Variants in SSBP4 observed in about 807,000 individuals in gnomAD.
The protein encoded by SSBP4 is single stranded DNA binding protein 4.
SSBP4 carries 33 observed loss-of-function variants against 64.6 expected under a neutral mutation model. That is an observed-to-expected ratio of 0.51 (90% CI 0.39 to 0.68). The LOEUF (loss-of-function observed/expected upper bound fraction) is 0.68, where lower values mean the gene tolerates loss of function less well. SSBP4 is among the 30% of genes least tolerant of loss of function. SSBP4 has a pLI of 0.00. For synonymous variants in SSBP4, 243 were observed against 224.0 expected (o/e 1.08, Z -0.76); for missense variants, 583 against 566.8 (o/e 1.03, Z -0.29).
At chr19:18,416,900 C>T (rs929708289), upstream of SSBP4, among the ~76,000 whole-genome samples, 1 of 152,230 alleles carries the variant, frequency 6.6e-6, no homozygotes, top group African/African-American at 2.4e-5. Flanking sequence ...CTCAGCTCCC[C>T]GACGCCGCGT....
chr19:18,405,400 C>A, the SSBP4 span, among the ~76,000 whole-genome samples: 1 of 151,764 alleles, frequency 6.6e-6, no homozygotes, highest in Admixed American at 6.6e-5. Flanking sequence ...ATGGCTCATG[C>A]CTGTAATCCC....
chr19:18,410,634 A>G, the SSBP4 span, among the ~76,000 whole-genome samples: 1 of 151,950 alleles, frequency 6.6e-6, no homozygotes, highest in Non-Finnish European at 1.5e-5. Flanking sequence ...TACATTTGTA[A>G]GCCGACCTGA....
the SSBP4 span, among the ~76,000 whole-genome samples, chr19:18,404,849 G>A: frequency 3.7e-5 from 5 of 134,396 alleles, no homozygotes; most frequent in African/African-American, 8.8e-5. Context: ...CCAAGACCAC[G>A]CCACTGCACT....
rs749184892 is a variant in SSBP4, at chr19:18,423,616, G to T, written c.60-3735G>T. ...ATTCTGGGTAATTATGGTAACTCGC[G>T]TCATTACGGTGGTAGCTGTGGTACA... On this transcript the variant is annotated intron_variant, in intron 1 of 17. Transcript: ENST00000270061. This position sits in a 1 kb window ranked among gnomAD's most constrained non-coding sequence, Gnocchi z 4.0. 6.6e-6 allele frequency among the ~76,000 whole-genome samples: 1 copy of T among 152,180 alleles called. No homozygotes were observed. Among genetic ancestry groups the T allele is most frequent in the African/African-American group, 2.4e-5 (1 of 41,434 alleles).
At position 18,433,628 on chromosome 19, in the gene SSBP4, C is replaced by T. The variant is rs769352629; in HGVS notation, c.1020+15C>T. The T allele has an allele frequency of 1.4e-5, 19 of 1,328,836 alleles. 1 individual carries two copies. The South Asian group carries it at 2.6e-4, about 18-fold the overall frequency. 82.3% of individuals were successfully genotyped at this position (1,328,836 alleles called of 1,614,324 possible). A position where few individuals can be genotyped will look rare whatever the true frequency, so the allele number is the denominator to read the frequency against. ...GGTTGCCGAAGGTAAGGAGGCTGCG[C>T]TCTTGCCGGGGGTGGGATCCGGGGG... On this transcript the variant is annotated intron_variant, in intron 16 of 17. Transcript: ENST00000270061.
chr19:18,422,541 G>A (rs547892499), intron 1 of SSBP4, among the ~76,000 whole-genome samples: 4 of 152,292 alleles, frequency 2.6e-5, no homozygotes, highest in East Asian at 3.9e-4. Flanking sequence ...CCATTTCAAC[G>A]AAAGGGACAC....
chr19:18,427,543 G>A lies in SSBP4; in HGVS notation c.132+120G>A. 3.0e-6 allele frequency: 4 copies of A among 1,326,972 alleles called. No homozygotes were observed. Among genetic ancestry groups the A allele is most frequent in the East Asian group, 2.5e-5 (1 of 40,038 alleles). 82.2% of individuals were successfully genotyped at this position (1,326,972 alleles called of 1,614,324 possible). On this transcript the variant is annotated intron_variant, in intron 2 of 17. Coordinates refer to ENST00000270061, the MANE Select transcript of SSBP4 (RefSeq NM_032627.5). The surrounding 1 kb of genome is among the most constrained non-coding windows in gnomAD (Gnocchi z 4.4). ...CCCTCTGATGGCCCTGGGAACTGAG[G>A]GCTCTGCAGGGTCCAGGCCCTGGGC...
chr19:18,404,321 T>C, the SSBP4 span, among the ~76,000 whole-genome samples: 1 of 151,822 alleles, frequency 6.6e-6, no homozygotes, highest in Non-Finnish European at 1.5e-5. Flanking sequence ...AGGCTGGGCA[T>C]GGTGGCTGAC....
At chr19:18,404,159 C>T in the SSBP4 span, among the ~76,000 whole-genome samples, 4 of 151,942 alleles carry the variant, frequency 2.6e-5, no homozygotes, top group African/African-American at 9.7e-5. Context: ...CCCAGAAAAC[C>T]TCAGAGACCC....
At chr19:18,429,432 T>C (rs1235181471) in intron 4 of SSBP4, among the ~76,000 whole-genome samples, 1 of 140,572 alleles carries the variant, frequency 7.1e-6, no homozygotes, top group East Asian at 2.4e-4. Context: ...GATTAACTGC[T>C]CAGGGCCTAG....
the SSBP4 span, among the ~76,000 whole-genome samples, chr19:18,410,830 A>G: frequency 6.6e-6 from 1 of 152,102 alleles, no homozygotes; most frequent in African/African-American, 2.4e-5. Context: ...GCCTTGGCGA[A>G]GGCAGGCAAC....
At position 18,423,789 on chromosome 19, in the gene SSBP4, T is replaced by C. The variant is rs1972628723; in HGVS notation, c.60-3562T>C. ...CCTGCTGCTCTTCCGGGTGCCTCCC[T>C]GTTTTCCTTTCTGGCCACCTGCCTG... On this transcript the variant is annotated intron_variant, in intron 1 of 17. Coordinates refer to ENST00000270061, the MANE Select transcript of SSBP4 (RefSeq NM_032627.5). This position sits in a 1 kb window ranked among gnomAD's most constrained non-coding sequence, Gnocchi z 4.0. Among the ~76,000 whole-genome samples, 1 of 152,160 alleles carries C rather than the reference T, an allele frequency of 6.6e-6. No individual in the cohort carries two copies. Among genetic ancestry groups the C allele is most frequent in the South Asian group, 2.1e-4 (1 of 4,830 alleles).
intron 17 of SSBP4, 144 bp downstream of exon 17, chr19:18,433,961 C>T (rs1973764624): frequency 5.0e-6 from 6 of 1,190,666 alleles, no homozygotes; most frequent in Non-Finnish European, 6.3e-6. Context: ...CATCCTTTCC[C>T]TCTCCTCAAC....
At chr19:18,416,012 G>C (rs909725971), upstream of SSBP4, among the ~76,000 whole-genome samples, 2 of 152,066 alleles carry the variant, frequency 1.3e-5, no homozygotes, top group African/African-American at 4.8e-5. Flanking sequence ...GAGCTTCTTA[G>C]GTTTTTTTAG....
rs758401353 is a variant in SSBP4, at chr19:18,434,230, T to A, written c.1142T>A (p.Met381Lys). Reference protein sequence around the residue: ...PFPSESYSPGMTMSV With the variant: ...PFPSESYSPGKTMSV ...CTCTCTCCGCAGTACTCGCCAGGGA[T>A]GACCATGAGCGTGTGATGGGGCGGC... Residue 381 changes from methionine (M) to lysine (K), a missense_variant, in exon 18 of 18, where the codon ATG becomes AAG. Around this residue, in one of 5 missense-constraint regions of SSBP4, gnomAD observed 26 missense variants for 21.8 expected, o/e 1.19. Coordinates refer to ENST00000270061, the MANE Select transcript of SSBP4 (RefSeq NM_032627.5). The A allele has an allele frequency of 8.1e-6, 13 of 1,611,782 alleles. No individual in the cohort carries two copies. The highest frequency in any genetic ancestry group is 1.1e-5 in the Non-Finnish European group (13 of 1,179,536).
chr19:18,419,350 G>A (rs1972256581), upstream of SSBP4: 3 of 1,019,788 alleles, frequency 2.9e-6, no homozygotes, highest in South Asian at 4.6e-5. Context: ...CGCGGGCGGC[G>A]TAGAGGCAGC....
At chr19:18,416,158 A>T (rs1972129199), upstream of SSBP4, among the ~76,000 whole-genome samples, 1 of 150,972 alleles carries the variant, frequency 6.6e-6, no homozygotes, top group Non-Finnish European at 1.5e-5. Context: ...GGGATTACAG[A>T]CGCCCGCCAC....
chr19:18,419,297 G>GA, upstream of SSBP4: 2 of 1,001,998 alleles, frequency 2.0e-6, no homozygotes, highest in East Asian at 1.1e-4. Context: ...CCGGCGGCGG[G>GA]ACCCACCCGC....
Position 18,432,684 on chromosome 19 carries a change from C to A in SSBP4, c.751-16C>A. 6.4e-7 allele frequency: 1 copy of A among 1,566,636 alleles called. No homozygotes were observed. Among genetic ancestry groups the A allele is most frequent in the Non-Finnish European group, 8.7e-7 (1 of 1,152,106 alleles). ...GAGCCGCCTGGCTGACTGCTCACAGCTGCCCTTGTCCCCAGATCCCCTACT... is the reference window on the plus strand; with the variant it reads ...GAGCCGCCTGGCTGACTGCTCACAGATGCCCTTGTCCCCAGATCCCCTACT... On this transcript the variant is annotated splice_polypyrimidine_tract_variant and intron_variant, in intron 11 of 17. Coordinates refer to ENST00000270061, the MANE Select transcript of SSBP4 (RefSeq NM_032627.5).
Sources: allele counts gnomAD v4.1 joint callset (sites outside exome capture counted in the v4.1 genomes callset), GRCh38; gene constraint gnomAD v4.1.1; regional missense constraint gnomAD v4.1.1; non-coding constraint Gnocchi (gnomAD v3.1); transcripts MANE v1.5; gene names NCBI Gene and HGNC (gene_info 2026-07-23, HGNC 2026-07-21).